Variants in HS3ST3A1 observed in about 807,000 individuals in gnomAD.
HS3ST3A1 encodes heparan sulfate glucosamine 3-O-sulfotransferase 3A1.
Under a neutral mutation model 25.7 loss-of-function variants are expected in HS3ST3A1, and 19 were observed. That is an observed-to-expected ratio of 0.74 (90% CI 0.52 to 1.08). The LOEUF is 1.08. Among genes scored for constraint, HS3ST3A1 ranks in the 50% least tolerant of loss-of-function variants. HS3ST3A1 has a pLI of 0.00. For synonymous variants in HS3ST3A1, 226 were observed against 278.6 expected (o/e 0.81, Z 1.88); for missense variants, 459 against 594.3 (o/e 0.77, Z 2.37).
rs150526718 is a variant in HS3ST3A1 at position 13,568,717 on chromosome 17, T to A, written c.599+31814A>T. Among the ~76,000 whole-genome samples the A allele has an allele frequency of 4.2e-3, 633 of 152,274 alleles. 14 individuals are homozygous for A. The highest frequency in any genetic ancestry group is 0.015 in the African/African-American group (606 of 41,546). ...CGAGTGACTGAAATTTCTAACTGTGTTTCCCATCCTCAATTGTGGTCGTTC... is the reference window on the plus strand; with the variant it reads ...CGAGTGACTGAAATTTCTAACTGTGATTCCCATCCTCAATTGTGGTCGTTC... On this transcript the variant is annotated intron_variant, in intron 1 of 1. Coordinates refer to ENST00000284110, the MANE Select transcript of HS3ST3A1 (RefSeq NM_006042.3).
intron 1 of HS3ST3A1, among the ~76,000 whole-genome samples, chr17:13,582,748 G>T (rs577819015): frequency 4.6e-5 from 7 of 152,218 alleles, no homozygotes; most frequent in South Asian, 2.1e-4. Context: ...CTTTCCCTGA[G>T]AAATCAATCA....
At chr17:13,544,507 T>C (rs1407098130) in intron 1 of HS3ST3A1, among the ~76,000 whole-genome samples, 1 of 152,196 alleles carries the variant, frequency 6.6e-6, no homozygotes, top group Non-Finnish European at 1.5e-5. Flanking sequence ...TTCACATTTC[T>C]TTCATTCATC....
intron 1 of HS3ST3A1, among the ~76,000 whole-genome samples, chr17:13,599,466 A>G (rs56842786): frequency 0.25 from 37,541 of 152,104 alleles, 4,773 homozygotes; most frequent in African/African-American, 0.29. Context: ...TACCTAAATT[A>G]TGTTGTAATT....
chr17:13,543,024 G>T (rs1436630549), intron 1 of HS3ST3A1, among the ~76,000 whole-genome samples: 1 of 152,138 alleles, frequency 6.6e-6, no homozygotes, highest in Non-Finnish European at 1.5e-5. Context: ...GGATCTGGGA[G>T]CTCCAAACCC....
At chr17:13,538,798 G>A (rs1445950977) in intron 1 of HS3ST3A1, among the ~76,000 whole-genome samples, 3 of 152,162 alleles carry the variant, frequency 2.0e-5, no homozygotes, top group African/African-American at 7.2e-5. Flanking sequence ...TCTGGAGAAG[G>A]AAGAGGATCA....
chr17:13,567,712 G>A (rs1907708948), intron 1 of HS3ST3A1, among the ~76,000 whole-genome samples: 1 of 152,310 alleles, frequency 6.6e-6, no homozygotes, highest in East Asian at 1.9e-4. Flanking sequence ...AATGGCCCAA[G>A]AACTAGACTT....
intron 1 of HS3ST3A1, among the ~76,000 whole-genome samples, chr17:13,549,493 C>A (rs1260286439): frequency 6.6e-6 from 1 of 152,216 alleles, no homozygotes; most frequent in African/African-American, 2.4e-5. Context: ...GAGCTCTCTT[C>A]CTTCCTTCTG....
intron 1 of HS3ST3A1, among the ~76,000 whole-genome samples, chr17:13,513,261 T>G (rs767912211): frequency 2.6e-4 from 39 of 152,360 alleles, no homozygotes; most frequent in African/African-American, 7.9e-4. Flanking sequence ...GCAGAAATGC[T>G]GCAGACGCCT....
intron 1 of HS3ST3A1, among the ~76,000 whole-genome samples, chr17:13,509,370 A>T (rs984663495): frequency 2.0e-5 from 3 of 152,220 alleles, no homozygotes; most frequent in Non-Finnish European, 4.4e-5. Context: ...AATAGAGAAA[A>T]ATTAAAAGCA....
chr17:13,515,929 G>T (rs1350018999), intron 1 of HS3ST3A1, among the ~76,000 whole-genome samples: 3 of 152,020 alleles, frequency 2.0e-5, no homozygotes, highest in African/African-American at 4.8e-5. Flanking sequence ...GTGTTTAATT[G>T]CCTCCTTATT....
chr17:13,551,388 A>C (rs1286032268), intron 1 of HS3ST3A1, among the ~76,000 whole-genome samples: 1 of 121,160 alleles, frequency 8.3e-6, no homozygotes, highest in Admixed American at 8.7e-5. Context: ...TAAATAAATA[A>C]ATATAAAAAT....
intron 1 of HS3ST3A1, among the ~76,000 whole-genome samples, chr17:13,592,906 C>G (rs1908467792): frequency 6.6e-6 from 1 of 151,860 alleles, no homozygotes; most frequent in South Asian, 2.1e-4. Context: ...CTGAGCAGTT[C>G]CAGTGGAATA....
At chr17:13,548,373 T>C (rs1907145177) in intron 1 of HS3ST3A1, among the ~76,000 whole-genome samples, 1 of 152,164 alleles carries the variant, frequency 6.6e-6, no homozygotes, top group Non-Finnish European at 1.5e-5. Flanking sequence ...ATAGCATCTC[T>C]ACTCTCATCC....
chr17:13,510,557 G>A (rs190872857), intron 1 of HS3ST3A1, among the ~76,000 whole-genome samples: 1 of 152,272 alleles, frequency 6.6e-6, no homozygotes, highest in Admixed American at 6.5e-5. Flanking sequence ...CTGGACACAC[G>A]GTAGGTGCTA....
Position 13,601,109 on chromosome 17 carries a change from G to C in HS3ST3A1, c.21C>G (p.Ala7=), listed in dbSNP as rs760622281. 2 of 1,574,770 alleles carry C rather than the reference G, an allele frequency of 1.3e-6. No individual in the cohort carries two copies. The highest frequency in any genetic ancestry group is 1.7e-6 in the Non-Finnish European group (2 of 1,162,312). ...GCTCGGCCGAGGTGGAGAGGGCACT[G>C]GCCGGGCCCGGAGGGGCCATCCTAG... The part of the protein sequence containing the change: MAPPGP[A]SALSTSAEPL... Residue 7 remains alanine, a synonymous_variant, in exon 1 of 2, where the codon GCC becomes GCG. Coordinates refer to ENST00000284110, the MANE Select transcript of HS3ST3A1 (RefSeq NM_006042.3).
At chr17:13,596,244 T>G (rs1040982483) in intron 1 of HS3ST3A1, among the ~76,000 whole-genome samples, 2 of 152,094 alleles carry the variant, frequency 1.3e-5, no homozygotes, top group Admixed American at 6.5e-5. Flanking sequence ...GTTTTTGGTG[T>G]TGTTTAATGC....
chr17:13,600,685 T>G lies in HS3ST3A1; in HGVS notation c.445A>C (p.Ser149Arg). The change falls in exon 1 of 2, where the codon AGC becomes CGC. Residue 149 changes from serine to arginine, a missense_variant. By Grantham distance (110) the Ser-to-Arg change is moderately radical. Coordinates refer to ENST00000284110, the MANE Select transcript of HS3ST3A1 (RefSeq NM_006042.3). ...GTLALLLDEG[S>R]KQLPQAIIIG... is the part of the protein sequence containing the mutation. ...ATGATGGCCTGCGGCAGCTGCTTGC[T>G]GCCTTCGTCCAGGAGCAGCGCCAGG... 6.3e-7 allele frequency: 1 copy of G among 1,582,578 alleles called. No homozygotes were observed. Among genetic ancestry groups the G allele is most frequent in the South Asian group, 1.1e-5 (1 of 88,326 alleles).
Position 13,502,880 on chromosome 17 carries a change from G to GA in HS3ST3A1, c.600-6063dup, listed in dbSNP as rs35611722. Reference sequence around the variant, plus strand: ...AATTTCTTAAAGGAGTAACTATAATGAAAAAAAAAAAAAAATAGGGCCAGG... The same window carrying GA: ...AATTTCTTAAAGGAGTAACTATAATGAAAAAAAAAAAAAAAATAGGGCCAGG... On this transcript the variant is annotated intron_variant, in intron 1 of 1. Transcript: ENST00000284110. 7.8e-3 allele frequency among the ~76,000 whole-genome samples: 1,125 copies of GA among 143,986 alleles called. 13 individuals are homozygous for GA. Among genetic ancestry groups the GA allele is most frequent in the African/African-American group, 0.023 (895 of 39,030 alleles). The allele number at this position is 143,986 out of a possible 152,430, so 94.5% of individuals were successfully genotyped here. A position where few individuals can be genotyped will look rare whatever the true frequency, so the allele number is the denominator to read the frequency against.
intron 1 of HS3ST3A1, 129 bp from the exon 2 acceptor site, chr17:13,496,947 T>A (rs545357996): frequency 1.5e-6 from 2 of 1,310,724 alleles, no homozygotes; most frequent in South Asian, 1.5e-5. Context: ...AGACATCTGA[T>A]GGTGACGTCG....
Sources: gnomAD v4.1 joint callset for allele counts (sites outside exome capture counted in the v4.1 genomes callset) on GRCh38, gnomAD v4.1.1 for gene constraint, MANE v1.5 for transcripts, NCBI Gene and HGNC (gene_info 2026-07-23, HGNC 2026-07-21) for gene names.